INTS4: variants seen among roughly 807,000 people sequenced by gnomAD.
INTS4 encodes the protein integrator complex subunit 4, also known as MSTP093.
In INTS4, 70 loss-of-function variants were observed where a neutral mutation model predicts 119.5. That is an observed-to-expected ratio of 0.59 (90% CI 0.48 to 0.71). The LOEUF (loss-of-function observed/expected upper bound fraction) is 0.71. Among genes scored for constraint, INTS4 ranks in the 30% least tolerant of loss-of-function variants. INTS4 has a pLI of 0.00. For missense variants in INTS4, 867 were observed against 1,173.2 expected (o/e 0.74, Z 3.81); for synonymous variants, 316 against 419.6 (o/e 0.75, Z 3.02).
intron 4 of INTS4, among the ~76,000 whole-genome samples, chr11:77,968,769 A>T (rs1470318124): frequency 6.6e-6 from 1 of 152,142 alleles, no homozygotes; most frequent in East Asian, 1.9e-4. Context: ...TATTAAGCAA[A>T]AATTTGTAAG....
intron 10 of INTS4, among the ~76,000 whole-genome samples, chr11:77,937,930 C>T (rs928641107): frequency 1.3e-5 from 2 of 152,052 alleles, no homozygotes; most frequent in African/African-American, 4.8e-5. Context: ...TCACTGCAAC[C>T]TCTGCCTCCT....
At chr11:77,946,722 C>T (rs1954056223) in intron 8 of INTS4, among the ~76,000 whole-genome samples, 1 of 150,178 alleles carries the variant, frequency 6.7e-6, no homozygotes, top group Admixed American at 6.6e-5. Context: ...GATCATGCCA[C>T]TGCACTTCGG....
chr11:77,983,625 A>G lies in INTS4; in HGVS notation c.247-2049T>C, dbSNP rs542701248. On this transcript the variant is annotated intron_variant, in intron 2 of 22. Transcript: ENST00000534064. Reference sequence around the variant, plus strand: ...TTACAGAAATGCAAATCAAAACTACAATGAGACACCATCTCATACTCGTTA... The same window carrying G: ...TTACAGAAATGCAAATCAAAACTACGATGAGACACCATCTCATACTCGTTA... 3.3e-5 allele frequency among the ~76,000 whole-genome samples: 5 copies of G among 152,342 alleles called. No individual in the cohort carries two copies. The South Asian group carries it at 1.0e-3, about 32-fold the overall frequency.
intron 2 of INTS4, among the ~76,000 whole-genome samples, chr11:77,984,310 A>G (rs984909675): frequency 6.6e-6 from 1 of 152,116 alleles, no homozygotes; most frequent in Non-Finnish European, 1.5e-5. Context: ...ACTGACCAAC[A>G]TGGCAAAACC....
At chr11:77,874,470 A>G (rs1003104430), downstream of INTS4, among the ~76,000 whole-genome samples, 3 of 151,404 alleles carry the variant, frequency 2.0e-5, no homozygotes. Flanking sequence ...AGTTGTCTCC[A>G]ATTAAAGAGA....
At chr11:77,971,682 A>G (rs1855742152) in intron 4 of INTS4, among the ~76,000 whole-genome samples, 1 of 152,096 alleles carries the variant, frequency 6.6e-6, no homozygotes, top group South Asian at 2.1e-4. Context: ...ACCTCATTAT[A>G]TGTATGATTT....
chr11:77,963,708 G>C (rs1252269798), intron 4 of INTS4, among the ~76,000 whole-genome samples: 1 of 151,882 alleles, frequency 6.6e-6, no homozygotes, highest in African/African-American at 2.4e-5. Flanking sequence ...TTTGAGATAA[G>C]GGTCTCGCTC....
chr11:77,904,063 T>C (rs1402808058), intron 16 of INTS4, among the ~76,000 whole-genome samples: 1 of 152,208 alleles, frequency 6.6e-6, no homozygotes, highest in African/African-American at 2.4e-5. Flanking sequence ...TTTATCAACA[T>C]ATTCAACTAG....
intron 14 of INTS4, among the ~76,000 whole-genome samples, chr11:77,920,485 T>G (rs1565245162): frequency 6.6e-6 from 1 of 151,916 alleles, no homozygotes; most frequent in East Asian, 1.9e-4. Context: ...ACTCTAGGTT[T>G]TAAAAATAGT....
At chr11:77,876,767 G>A (rs1488922830), downstream of INTS4, among the ~76,000 whole-genome samples, 2 of 152,114 alleles carry the variant, frequency 1.3e-5, no homozygotes, top group Non-Finnish European at 2.9e-5. Context: ...TTGTCCCTTA[G>A]GAGACAGACA....
intron 22 of INTS4, among the ~76,000 whole-genome samples, chr11:77,883,373 T>C (rs2136358976): frequency 6.6e-6 from 1 of 152,272 alleles, no homozygotes; most frequent in Admixed American, 6.5e-5. Flanking sequence ...ATCCTCACAA[T>C]TCAGACATAA....
At chr11:77,948,552 C>T (rs981563975) in intron 8 of INTS4, among the ~76,000 whole-genome samples, 2 of 150,602 alleles carry the variant, frequency 1.3e-5, no homozygotes, top group Non-Finnish European at 2.9e-5. Context: ...GAGGTTGGGG[C>T]ACGAGAACCA....
intron 10 of INTS4, among the ~76,000 whole-genome samples, chr11:77,936,544 G>C (rs1406136814): frequency 6.6e-6 from 1 of 152,072 alleles, no homozygotes; most frequent in Non-Finnish European, 1.5e-5. Flanking sequence ...AACCATGTCT[G>C]GCTAATTTTA....
Position 77,926,358 on chromosome 11 carries a change from T to G in INTS4, c.1372-1466A>C, listed in dbSNP as rs145852691. Among the ~76,000 whole-genome samples, 3 of 152,310 alleles carry G rather than the reference T, an allele frequency of 2.0e-5. No individual in the cohort carries two copies. The East Asian group carries it at 5.8e-4, about 29-fold the overall frequency. ...CTGAAAAGAATTAAAAGGCAAGGAT[T>G]CTTTGTGAGTTATATACATAAGTAC... On this transcript the variant is annotated intron_variant, in intron 11 of 22. Coordinates refer to ENST00000534064, the MANE Select transcript of INTS4 (RefSeq NM_033547.4).
intron 4 of INTS4, among the ~76,000 whole-genome samples, chr11:77,961,658 A>G (rs1954480133): frequency 6.6e-6 from 1 of 152,086 alleles, no homozygotes; most frequent in Admixed American, 6.6e-5. Context: ...CCACATCACC[A>G]CCAAAAATAG....
At chr11:77,878,588 C>T (rs746561681), downstream of INTS4, 58 of 550,334 alleles carry the variant, frequency 1.1e-4, no homozygotes, top group Non-Finnish European at 1.4e-4. Flanking sequence ...AAGACTATAG[C>T]TCAAATAACC....
intron 8 of INTS4, among the ~76,000 whole-genome samples, chr11:77,946,634 G>A (rs1337169951): frequency 4.0e-5 from 6 of 151,800 alleles, no homozygotes; most frequent in Admixed American, 3.3e-4. Flanking sequence ...GGTGGCATGC[G>A]CCTGTAGTCC....
intron 7 of INTS4, among the ~76,000 whole-genome samples, chr11:77,957,740 C>G (rs1954367592): frequency 7.0e-6 from 1 of 143,318 alleles, no homozygotes; most frequent in Non-Finnish European, 1.5e-5. Context: ...GTGATCTCAG[C>G]TCACCACAAT....
At chr11:77,981,356 C>A in intron 3 of INTS4, 103 bp downstream of exon 3, 2 of 472,812 alleles carry the variant, frequency 4.2e-6, no homozygotes, top group East Asian at 3.2e-5. Flanking sequence ...TCCTCAAATT[C>A]CTCTTCAATA....
Sources: gnomAD v4.1 joint callset for allele counts (sites outside exome capture counted in the v4.1 genomes callset) on GRCh38, gnomAD v4.1.1 for gene constraint, MANE v1.5 for transcripts, NCBI Gene and HGNC (gene_info 2026-07-23, HGNC 2026-07-21) for gene names.